The following INHBA variants were observed in gnomAD, a reference collection of about 807,000 sequenced individuals.
INHBA encodes the protein inhibin subunit beta A.
A neutral mutation model predicts 29.0 loss-of-function variants in INHBA; 1 was observed. That is an observed-to-expected ratio of 0.03 (90% CI 0.01 to 0.16). The LOEUF (loss-of-function observed/expected upper bound fraction) is 0.16, where lower values mean the gene tolerates loss of function less well. INHBA is among the 10% of genes least tolerant of loss of function. INHBA has a pLI of 1.00. For synonymous variants in INHBA, 242 were observed against 216.8 expected, an observed-to-expected ratio of 1.12 and a Z score of -1.02; for missense variants, 376 against 545.4, an observed-to-expected ratio of 0.69 and a Z score of 3.09.
intron 2 of INHBA, among the ~76,000 whole-genome samples, chr7:41,699,145 A>C (rs938153551): frequency 3.3e-5 from 5 of 152,232 alleles, no homozygotes; most frequent in Non-Finnish European, 7.3e-5. Flanking sequence ...GTCCTGGGCC[A>C]ACGATTAGAA....
chr7:41,702,924 C>T (rs1385935320), intron 1 of INHBA, 81 bp downstream of exon 1: 1 of 152,100 alleles, frequency 6.6e-6, no homozygotes, highest in East Asian at 1.9e-4. Context: ...ATTGGAAATG[C>T]CAATTAGTTG....
In INHBA at chr7:41,700,841, AAGAGAGAGAGAGAGAG is replaced by A. The variant is rs3030163; in HGVS notation, c.-143-340_-143-325del. 3.4e-3 allele frequency among the ~76,000 whole-genome samples: 273 copies of A among 79,142 alleles called. 2 individuals are homozygous for A. In the Middle Eastern group the frequency reaches 0.073, roughly 21 times the overall value. 51.9% of individuals were successfully genotyped at this position (79,142 alleles called of 152,430 possible). A position where few individuals can be genotyped will look rare whatever the true frequency, so the allele number is the denominator to read the frequency against. ...AGGGGGAGAGGGAGAGAGGGAAAGG[AAGAGAGAGAGAGAGAG>A]AGAGAGAGAGAGAGAGAGAGAAAGG... is the stretch of plus-strand genomic sequence containing the variant. On this transcript the variant is annotated intron_variant, in intron 1 of 2. Transcript: ENST00000242208.
At chr7:41,691,159 C>G (rs1413113035) in intron 2 of INHBA, 1 of 152,462 alleles carries the variant, frequency 6.6e-6, no homozygotes, top group African/African-American at 2.4e-5. Context: ...AAATACTATT[C>G]TCAGACAAAA....
At chr7:41,690,941 C>A (rs963332417) in intron 2 of INHBA, among the ~76,000 whole-genome samples, 1 of 152,128 alleles carries the variant, frequency 6.6e-6, no homozygotes, top group African/African-American at 2.4e-5. Flanking sequence ...TACTCTCTGG[C>A]CCTTTATAGA....
chr7:41,694,813 G>A (rs1328350014), intron 2 of INHBA, among the ~76,000 whole-genome samples: 1 of 151,968 alleles, frequency 6.6e-6, no homozygotes, highest in African/African-American at 2.4e-5. Flanking sequence ...GAGAGAAAAA[G>A]AGGTGCAGAA....
At chr7:41,693,635 C>T (rs529397956) in intron 2 of INHBA, among the ~76,000 whole-genome samples, 33 of 152,228 alleles carry the variant, frequency 2.2e-4, no homozygotes, top group African/African-American at 7.0e-4. Flanking sequence ...GAGGATTGTA[C>T]AAAGAGAGTA....
chr7:41,696,657 C>A (rs891893812), intron 2 of INHBA, among the ~76,000 whole-genome samples: 1 of 152,058 alleles, frequency 6.6e-6, no homozygotes, highest in Non-Finnish European at 1.5e-5. Flanking sequence ...CGGAAGAGAG[C>A]GTGTAACCCC....
At chr7:41,699,654 T>C (rs1794726056) in intron 2 of INHBA, among the ~76,000 whole-genome samples, 1 of 152,044 alleles carries the variant, frequency 6.6e-6, no homozygotes, top group Admixed American at 6.5e-5. Context: ...TCAGATCTGG[T>C]TTCACAGGCA....
intron 2 of INHBA, among the ~76,000 whole-genome samples, chr7:41,694,582 C>T (rs1794598561): frequency 6.6e-6 from 1 of 152,188 alleles, no homozygotes; most frequent in South Asian, 2.1e-4. Context: ...ACCTAGCTAA[C>T]CAGATATAGC....
intron 1 of INHBA, among the ~76,000 whole-genome samples, chr7:41,702,045 T>C (rs1448273463): frequency 6.6e-6 from 1 of 152,122 alleles, no homozygotes; most frequent in African/African-American, 2.4e-5. Context: ...CTTTAAGGGG[T>C]CCATCTGTTA....
In INHBA at chr7:41,690,308, T is replaced by C; in HGVS notation, c.623A>G (p.Glu208Gly). The C allele has an allele frequency of 6.2e-7, 1 of 1,614,078 alleles. No homozygotes were observed. The highest frequency in any genetic ancestry group is 8.5e-7 in the Non-Finnish European group (1 of 1,180,004). Residue 208 changes from glutamate to glycine, a missense_variant, in exon 3 of 3, where the codon GAA becomes GGA. Glu to Gly is a moderately conservative substitution (Grantham distance 98, BLOSUM62 -2). Transcript: ENST00000242208. Reference sequence around the variant, plus strand: ...GCTCTTCCGAGCGTCTACTACTTTTTCAGAGAGCAACAGTTCACTCCTCTC... The same window carrying C: ...GCTCTTCCGAGCGTCTACTACTTTTCCAGAGAGCAACAGTTCACTCCTCTC... Reference protein sequence around the residue: ...KGERSELLLSEKVVDARKSTW... With the variant: ...KGERSELLLSGKVVDARKSTW...
chr7:41,695,781 C>T (rs1324041451), intron 2 of INHBA, among the ~76,000 whole-genome samples: 49 of 152,142 alleles, frequency 3.2e-4, no homozygotes, highest in Non-Finnish European at 3.2e-4. Context: ...TCCAAAGTTC[C>T]TGAGAACTTT....
Position 41,690,525 on chromosome 7 carries a change from G to A in INHBA, c.406C>T (p.Leu136=), listed in dbSNP as rs1427260701. The change falls in exon 3 of 3, where the codon CTG becomes TTG. Residue 136 remains leucine, a synonymous_variant. Transcript: ENST00000242208. The stretch of plus-strand genomic sequence containing the variant: ...CCTTCCTTGGAAATCTCGAAGTGCA[G>A]CGTCTTCCTGGCTGTTCCTGAAGAT... ...FAESGTARKT[L]HFEISKEGSD... 6.2e-7 allele frequency: 1 copy of A among 1,604,222 alleles called. No individual in the cohort carries two copies. Among genetic ancestry groups the A allele is most frequent in the East Asian group, 2.2e-5 (1 of 44,762 alleles).
chr7:41,703,818 A>G (rs147638508), upstream of INHBA, among the ~76,000 whole-genome samples: 147 of 151,930 alleles, frequency 9.7e-4, no homozygotes, highest in African/African-American at 3.4e-3. Flanking sequence ...AAAAACCCTC[A>G]TGCATCATTC....
chr7:41,702,598 A>T (rs527869162), intron 1 of INHBA, among the ~76,000 whole-genome samples: 1 of 152,220 alleles, frequency 6.6e-6, no homozygotes, highest in African/African-American at 2.4e-5. Context: ...TTGCAGTTCA[A>T]TTAAGTTTTA....
chr7:41,701,179 A>T lies in INHBA; in HGVS notation c.-143-662T>A, dbSNP rs186838974. Among the ~76,000 whole-genome samples the T allele has an allele frequency of 9.2e-5, 14 of 152,138 alleles. No individual in the cohort carries two copies. In the East Asian group the frequency reaches 1.2e-3, roughly 13 times the overall value. On this transcript the variant is annotated intron_variant, in intron 1 of 2. Transcript: ENST00000242208. Reference sequence around the variant, plus strand: ...AACCCCAAACAAACACAGTGTCTCAATCAATAGGGATGAATTGATTGAAAA... The same window carrying T: ...AACCCCAAACAAACACAGTGTCTCATTCAATAGGGATGAATTGATTGAAAA...
chr7:41,702,120 C>G (rs1218691093), intron 1 of INHBA, among the ~76,000 whole-genome samples: 1 of 152,158 alleles, frequency 6.6e-6, no homozygotes, highest in African/African-American at 2.4e-5. Flanking sequence ...AAGATACACT[C>G]AGCTTATATC....
intron 2 of INHBA, among the ~76,000 whole-genome samples, 166 bp downstream of exon 2, chr7:41,699,821 G>A (rs1794731813): frequency 6.6e-6 from 1 of 151,816 alleles, no homozygotes; most frequent in Non-Finnish European, 1.5e-5. Flanking sequence ...CCCCTCCCCT[G>A]CCTGCCCTCC....
chr7:41,700,444 T>A lies in INHBA; in HGVS notation c.-70A>T. ...CTTTTCCTCCCCCCTCACGCGCAGG[T>A]TTTTTTGTGTGTGTGGATTTTTTTA... On this transcript the variant is annotated 5_prime_UTR_variant, in exon 2 of 3. Transcript: ENST00000242208. 8 of 1,350,478 alleles carry A rather than the reference T, an allele frequency of 5.9e-6. No homozygotes were observed. The highest frequency in any genetic ancestry group is 2.5e-5 in the East Asian group (1 of 40,734). 83.7% of individuals were successfully genotyped at this position (1,350,478 alleles called of 1,614,324 possible).
Sources: gnomAD v4.1 joint callset for allele counts (sites outside exome capture counted in the v4.1 genomes callset) on GRCh38, gnomAD v4.1.1 for gene constraint, MANE v1.5 for transcripts, NCBI Gene and HGNC (gene_info 2026-07-23, HGNC 2026-07-21) for gene names.